Variants in MAP3K5 observed in about 807,000 individuals in gnomAD.
MAP3K5 encodes the protein mitogen-activated protein kinase kinase kinase 5.
A neutral mutation model predicts 158.7 loss-of-function variants in MAP3K5; 56 were observed. The ratio of observed to expected loss-of-function variants is 0.35; its 90% CI spans 0.28 to 0.44. The LOEUF (loss-of-function observed/expected upper bound fraction) is 0.44, where lower values mean the gene tolerates loss of function less well. Among genes scored for constraint, MAP3K5 ranks in the 20% least tolerant of loss-of-function variants. The pLI, the probability that MAP3K5 is intolerant of heterozygous loss-of-function variation, is 1.00. For missense variants in MAP3K5, 1,294 were observed against 1,674.8 expected (o/e 0.77, Z 3.97); for synonymous variants, 579 against 601.7 (o/e 0.96, Z 0.55).
At chr6:136,714,723 A>T (rs7773798) in intron 2 of MAP3K5, among the ~76,000 whole-genome samples, 78,765 of 151,934 alleles carry the variant, frequency 0.52, 20,645 homozygotes, top group African/African-American at 0.56. Context: ...ATATATCCAG[A>T]AGTGGAATTG....
chr6:136,769,736 AAGGG>A, intron 1 of MAP3K5, among the ~76,000 whole-genome samples: 1 of 106,650 alleles, frequency 9.4e-6, no homozygotes, highest in Non-Finnish European at 1.9e-5. Flanking sequence ...GGAAGGGAGG[AAGGG>A]AAGGAAGGAA....
At chr6:136,557,964 T>C (rs1830322984) in intron 29 of MAP3K5, 146 bp from the exon 30 acceptor site, 2 of 621,132 alleles carry the variant, frequency 3.2e-6, no homozygotes, top group East Asian at 5.7e-5. Context: ...TCTTTTTGTA[T>C]ATTTTTTCTC....
At chr6:136,742,149 T>G (rs964898481) in intron 1 of MAP3K5, among the ~76,000 whole-genome samples, 1 of 152,208 alleles carries the variant, frequency 6.6e-6, no homozygotes, top group Admixed American at 6.5e-5. Context: ...AATTGATTCC[T>G]AAGTTTATGT....
At chr6:136,774,099 G>T (rs1470152192) in intron 1 of MAP3K5, among the ~76,000 whole-genome samples, 1 of 152,178 alleles carries the variant, frequency 6.6e-6, no homozygotes. Context: ...ATAAATGTTA[G>T]CTTTCATCAT....
In MAP3K5 at chr6:136,789,307, C is replaced by T. The variant is rs147262933; in HGVS notation, c.448+2403G>A. ...GCTGGGCAACAGAGTGAGACCTTGT[C>T]TCTAAAACAAATAAAATAAAATAGA... On this transcript the variant is annotated intron_variant, in intron 1 of 29. Transcript: ENST00000359015. 7.3e-3 allele frequency among the ~76,000 whole-genome samples: 1,115 copies of T among 152,286 alleles called. 6 individuals are homozygous for T. The highest frequency in any genetic ancestry group is 0.012 in the Non-Finnish European group (802 of 68,020).
chr6:136,751,834 C>T (rs999869606), intron 1 of MAP3K5, among the ~76,000 whole-genome samples: 3 of 152,112 alleles, frequency 2.0e-5, no homozygotes, highest in African/African-American at 4.8e-5. Flanking sequence ...CTTAAAAGAA[C>T]GAAGCCAAGC....
chr6:136,691,881 AT>A (rs1416137377), intron 7 of MAP3K5, among the ~76,000 whole-genome samples: 1 of 152,000 alleles, frequency 6.6e-6, no homozygotes, highest in East Asian at 1.9e-4. Context: ...ATTTTCACCC[AT>A]TATGTTCATC....
chr6:136,784,980 CAT>C (rs1207345912), intron 1 of MAP3K5, among the ~76,000 whole-genome samples: 2 of 152,180 alleles, frequency 1.3e-5, no homozygotes, highest in Non-Finnish European at 1.5e-5. Context: ...TTGGCAAACA[CAT>C]GTCAGTCCTC....
chr6:136,622,143 G>A (rs1237471035), intron 15 of MAP3K5, among the ~76,000 whole-genome samples: 1 of 152,004 alleles, frequency 6.6e-6, no homozygotes, highest in Non-Finnish European at 1.5e-5. Flanking sequence ...AAGCACAATG[G>A]GATTTCTCTT....
At chr6:136,591,526 A>G (rs913844959) in intron 23 of MAP3K5, among the ~76,000 whole-genome samples, 1 of 152,204 alleles carries the variant, frequency 6.6e-6, no homozygotes, top group African/African-American at 2.4e-5. Flanking sequence ...TTTAGTCTTT[A>G]TTTAGGAGTT....
At chr6:136,633,876 G>C (rs145127509) in intron 14 of MAP3K5, among the ~76,000 whole-genome samples, 1 of 152,318 alleles carries the variant, frequency 6.6e-6, no homozygotes, top group Non-Finnish European at 1.5e-5. Flanking sequence ...TCTGGGCCAA[G>C]GTAGCCAAAG....
intron 25 of MAP3K5, among the ~76,000 whole-genome samples, chr6:136,568,520 C>T (rs1183924410): frequency 6.6e-6 from 1 of 152,140 alleles, no homozygotes; most frequent in East Asian, 1.9e-4. Context: ...ATAGAAGTTA[C>T]AATTTTCCAA....
At chr6:136,649,298 C>T (rs1342061528) in intron 11 of MAP3K5, among the ~76,000 whole-genome samples, 1 of 152,150 alleles carries the variant, frequency 6.6e-6, no homozygotes, top group East Asian at 1.9e-4. Context: ...AAACCAGCTC[C>T]CTGGGTGACT....
intron 1 of MAP3K5, among the ~76,000 whole-genome samples, chr6:136,760,537 T>C (rs1315049694): frequency 6.6e-6 from 1 of 152,248 alleles, no homozygotes; most frequent in Non-Finnish European, 1.5e-5. Flanking sequence ...TAAATACTAC[T>C]AAGGTCTCAT....
chr6:136,674,855 A>G (rs538935723), intron 7 of MAP3K5, among the ~76,000 whole-genome samples: 81 of 152,072 alleles, frequency 5.3e-4, no homozygotes, highest in Non-Finnish European at 3.1e-4. Context: ...CAATTTTCAG[A>G]TTAGGGATGC....
intron 18 of MAP3K5, among the ~76,000 whole-genome samples, chr6:136,610,639 C>A (rs1583269692): frequency 2.2e-5 from 3 of 139,320 alleles, no homozygotes; most frequent in Admixed American, 7.3e-5. Flanking sequence ...TATTGTAGGC[C>A]AACCAGGAAA....
chr6:136,787,104 T>C (rs1482156983), intron 1 of MAP3K5, among the ~76,000 whole-genome samples: 1 of 152,148 alleles, frequency 6.6e-6, no homozygotes, highest in Non-Finnish European at 1.5e-5. Flanking sequence ...GGCTCACACC[T>C]GTAATCCCAG....
At chr6:136,604,326 A>AAAAAAAAGAAGAAAGAAAGAAAG (rs1776008316) in intron 19 of MAP3K5, among the ~76,000 whole-genome samples, 4 of 151,922 alleles carry the variant, frequency 2.6e-5, no homozygotes, top group African/African-American at 9.7e-5. Flanking sequence ...TGTCTCCACA[A>AAAAAAAAGAAGAAAGAAAGAAAG]AAAAAAAGAA....
chr6:136,710,474 AT>A (rs1162459236), intron 2 of MAP3K5, among the ~76,000 whole-genome samples: 4 of 152,274 alleles, frequency 2.6e-5, no homozygotes, highest in African/African-American at 9.6e-5. Flanking sequence ...TTGATAACCA[AT>A]TAAGGGGAGC....
Sources: allele counts gnomAD v4.1 joint callset (sites outside exome capture counted in the v4.1 genomes callset), GRCh38; gene constraint gnomAD v4.1.1; transcripts MANE v1.5; gene names NCBI Gene and HGNC (gene_info 2026-07-23, HGNC 2026-07-21).